The following PLEKHM3 variants were observed in gnomAD, a reference collection of about 807,000 sequenced individuals.
The protein encoded by PLEKHM3 is pleckstrin homology domain containing M3.
Under a neutral mutation model 81.8 loss-of-function variants are expected in PLEKHM3, and 45 were observed. The observed-to-expected ratio is 0.55, with a 90% CI of 0.43 to 0.71. The LOEUF is 0.71. Among genes scored for constraint, PLEKHM3 ranks in the 30% least tolerant of loss-of-function variants. The pLI is 0.00. For missense variants in PLEKHM3, 788 were observed against 924.3 expected (o/e 0.85, Z 1.91); for synonymous variants, 352 against 356.4 (o/e 0.99, Z 0.14).
chr2:207,830,831 C>T (rs1178114768), intron 7 of PLEKHM3, among the ~76,000 whole-genome samples: 1 of 152,098 alleles, frequency 6.6e-6, no homozygotes, highest in Non-Finnish European at 1.5e-5. Context: ...TCTCCAGAAA[C>T]CAACCCTGTT....
chr2:207,860,149 C>CTGTGTGTGTGTG (rs1491556619), intron 7 of PLEKHM3, among the ~76,000 whole-genome samples: 41 of 63,818 alleles, frequency 6.4e-4, no homozygotes, highest in East Asian at 2.9e-3. Flanking sequence ...TGAACTCTGC[C>CTGTGTGTGTGTG]TCTGTGTGTG....
chr2:207,832,294 T>C (rs528827119), intron 7 of PLEKHM3, among the ~76,000 whole-genome samples: 1 of 152,222 alleles, frequency 6.6e-6, no homozygotes, highest in South Asian at 2.1e-4. Context: ...CAAGAATCTA[T>C]AGTTAATCCC....
chr2:207,897,873 A>C (rs1356829834), intron 6 of PLEKHM3, among the ~76,000 whole-genome samples: 1 of 152,194 alleles, frequency 6.6e-6, no homozygotes, highest in Non-Finnish European at 1.5e-5. Flanking sequence ...CCAACAGCTT[A>C]AGGGAATGTA....
intron 6 of PLEKHM3, among the ~76,000 whole-genome samples, chr2:207,894,247 G>A: frequency 6.6e-6 from 1 of 152,204 alleles, no homozygotes; most frequent in Non-Finnish European, 1.5e-5. Flanking sequence ...GCATCTTGCT[G>A]TTTTTGATGA....
chr2:207,914,618 G>A (rs748671481), intron 5 of PLEKHM3, among the ~76,000 whole-genome samples: 1 of 151,246 alleles, frequency 6.6e-6, no homozygotes, highest in African/African-American at 2.4e-5. Flanking sequence ...GGAGGTTGAG[G>A]CTGCAGTGAG....
chr2:207,949,784 A>T (rs563368817), intron 3 of PLEKHM3, among the ~76,000 whole-genome samples: 337 of 152,090 alleles, frequency 2.2e-3, no homozygotes, highest in Non-Finnish European at 3.0e-3. Context: ...ACTAAAAAAA[A>T]TTTTTTTTGA....
At chr2:207,917,074 C>T (rs1431355359) in intron 5 of PLEKHM3, among the ~76,000 whole-genome samples, 3 of 152,258 alleles carry the variant, frequency 2.0e-5, no homozygotes, top group East Asian at 3.9e-4. Flanking sequence ...ATAGATGACT[C>T]AAAAACCACA....
rs1471365607 is a variant in PLEKHM3, at chr2:207,865,800, AAAG to A, written c.1951-4541_1951-4539del. 3.2e-4 allele frequency among the ~76,000 whole-genome samples: 14 copies of A among 44,146 alleles called. 1 individual carries two copies. The highest frequency in any genetic ancestry group is 1.7e-3 in the African/African-American group (11 of 6,462). The allele number at this position is 44,146 out of a possible 152,430, so 29.0% of individuals were successfully genotyped here. A position where few individuals can be genotyped will look rare whatever the true frequency, so the allele number is the denominator to read the frequency against. ...CCGACTCAAAAAAAAAAAAAAAAAA[AAAG>A]ATATATATATATATATATATATATA... On this transcript the variant is annotated intron_variant, in intron 6 of 7. Transcript: ENST00000427836.
At chr2:207,912,347 T>A (rs1001700431) in intron 5 of PLEKHM3, among the ~76,000 whole-genome samples, 5 of 152,234 alleles carry the variant, frequency 3.3e-5, no homozygotes, top group Non-Finnish European at 7.3e-5. Flanking sequence ...TCCTTTTATA[T>A]GAGATTCTAA....
chr2:208,021,648 A>G (rs1238256699), intron 1 of PLEKHM3, among the ~76,000 whole-genome samples: 1 of 152,258 alleles, frequency 6.6e-6, no homozygotes, highest in Non-Finnish European at 1.5e-5. Context: ...ATAAATAAGT[A>G]CTACATGTTC....
intron 4 of PLEKHM3, among the ~76,000 whole-genome samples, chr2:207,932,376 T>A (rs1370578878): frequency 6.6e-6 from 1 of 152,240 alleles, no homozygotes; most frequent in Middle Eastern, 3.2e-3. Context: ...GTAGATTGGC[T>A]ACTAATACAT....
In PLEKHM3 at chr2:207,913,564, C is replaced by G. The variant is rs559420675; in HGVS notation, c.1887-4987G>C. Among the ~76,000 whole-genome samples, 3 of 152,106 alleles carry G rather than the reference C, an allele frequency of 2.0e-5. No individual in the cohort carries two copies. The East Asian group carries it at 5.8e-4, about 29-fold the overall frequency. On this transcript the variant is annotated intron_variant, in intron 5 of 7. Transcript: ENST00000427836. ...GGCCTGGAAAGTGCCTGCTGGCAAA[C>G]AGGAATCCATCAGTGACCTCAGACT...
At chr2:207,979,424 C>T (rs908401139) in intron 2 of PLEKHM3, among the ~76,000 whole-genome samples, 17 of 152,016 alleles carry the variant, frequency 1.1e-4, no homozygotes, top group African/African-American at 4.1e-4. Flanking sequence ...ATCCCAGCTA[C>T]TTGGGAGGCT....
At chr2:207,919,310 G>A (rs1282268719) in intron 5 of PLEKHM3, among the ~76,000 whole-genome samples, 2 of 152,152 alleles carry the variant, frequency 1.3e-5, no homozygotes, top group African/African-American at 4.8e-5. Flanking sequence ...TGGGCGATGA[G>A]GCAGAGAGGT....
In PLEKHM3 at chr2:207,977,475, T is replaced by C; in HGVS notation, c.722A>G (p.Tyr241Cys). Residue 241 changes from tyrosine to cysteine, a missense_variant, in exon 3 of 8, where the codon TAC becomes TGC. Coordinates refer to ENST00000427836, the MANE Select transcript of PLEKHM3 (RefSeq NM_001080475.3). Reference sequence around the variant, plus strand: ...CCCACTGCTGTCGAGGCTGTAGAAGTATAAGTTGTAAGGTGAAAGTTCTGC... The same window carrying C: ...CCCACTGCTGTCGAGGCTGTAGAAGCATAAGTTGTAAGGTGAAAGTTCTGC... ...CYAELSPYNL[Y>C]FYSLDSSGNQ... 1 of 1,614,086 alleles carries C rather than the reference T, an allele frequency of 6.2e-7. No individual in the cohort carries two copies. The highest frequency in any genetic ancestry group is 8.5e-7 in the Non-Finnish European group (1 of 1,179,956).
chr2:207,976,514 G>T lies in PLEKHM3; in HGVS notation c.1546+137C>A. ...AATATAGGATGTTTTAATACAGTAA[G>T]CTTCTCGAGGAGAGATACTTTTTAT... On this transcript the variant is annotated intron_variant, in intron 3 of 7. Coordinates refer to ENST00000427836, the MANE Select transcript of PLEKHM3 (RefSeq NM_001080475.3). The surrounding 1 kb of genome is among the most constrained non-coding windows in gnomAD (Gnocchi z 4.1). The T allele has an allele frequency of 1.2e-6, 1 of 809,248 alleles. No individual in the cohort carries two copies. The highest frequency in any genetic ancestry group is 1.9e-6 in the Non-Finnish European group (1 of 526,534). 50.1% of individuals were successfully genotyped at this position (809,248 alleles called of 1,614,324 possible).
In PLEKHM3 at chr2:207,882,859, G is replaced by A. The variant is rs574757571; in HGVS notation, c.1951-21597C>T. ...TTTAATTTTTTTTCCCGAGATTCTC[G>A]TGCCTCAGCCTCCCAAGTAGTTGGG... On this transcript the variant is annotated intron_variant, in intron 6 of 7. Coordinates refer to ENST00000427836, the MANE Select transcript of PLEKHM3 (RefSeq NM_001080475.3). Among the ~76,000 whole-genome samples the A allele has an allele frequency of 2.5e-4, 37 of 150,410 alleles. No homozygotes were observed. The South Asian group carries it at 6.7e-3, about 27-fold the overall frequency.
chr2:207,860,183 GT>G (rs1393865707), intron 7 of PLEKHM3, among the ~76,000 whole-genome samples: 1 of 151,086 alleles, frequency 6.6e-6, no homozygotes, highest in African/African-American at 2.4e-5. Context: ...GTGTGTGTGT[GT>G]GTGTGTGTGT....
rs150435261 is a variant in PLEKHM3, at chr2:207,902,855, C to CCCATCCAT, written c.1950+5651_1950+5658dup. ...ATCCACCCACCCACCCATCCACCCA[C>CCCATCCAT]CCATCCATCCATCCACTGAACATTT... On this transcript the variant is annotated intron_variant, in intron 6 of 7. Transcript: ENST00000427836. 1.6e-3 allele frequency among the ~76,000 whole-genome samples: 213 copies of CCCATCCAT among 131,652 alleles called. 2 individuals carry two copies. Among genetic ancestry groups the CCCATCCAT allele is most frequent in the African/African-American group, 5.9e-3 (189 of 32,196 alleles). 86.4% of individuals were successfully genotyped at this position (131,652 alleles called of 152,430 possible).
Sources: allele counts gnomAD v4.1 joint callset (sites outside exome capture counted in the v4.1 genomes callset), GRCh38; gene constraint gnomAD v4.1.1; non-coding constraint Gnocchi (gnomAD v3.1); transcripts MANE v1.5; gene names NCBI Gene and HGNC (gene_info 2026-07-23, HGNC 2026-07-21).